The following CRTAC1 variants were observed in gnomAD, a reference collection of about 807,000 sequenced individuals.
CRTAC1 encodes the protein cartilage acidic protein 1.
A neutral mutation model predicts 67.8 loss-of-function variants in CRTAC1; 37 were observed. That is an observed-to-expected ratio of 0.55 (90% CI 0.42 to 0.72). CRTAC1 has a LOEUF of 0.72. Ranked by LOEUF, CRTAC1 falls within the 30% of genes least tolerant of loss-of-function variation. CRTAC1 has a pLI of 0.00. For synonymous variants in CRTAC1, 348 were observed against 371.0 expected, an observed-to-expected ratio of 0.94 and a Z score of 0.71; for missense variants, 780 against 931.6, an observed-to-expected ratio of 0.84 and a Z score of 2.12.
chr10:97,926,536 A>G (rs1239768388), intron 3 of CRTAC1, among the ~76,000 whole-genome samples: 3 of 152,254 alleles, frequency 2.0e-5, no homozygotes, highest in African/African-American at 7.2e-5. Context: ...CAGTGCACAC[A>G]TAACACCCCC....
At chr10:98,007,970 C>T (rs1024282074) in intron 2 of CRTAC1, among the ~76,000 whole-genome samples, 1 of 152,172 alleles carries the variant, frequency 6.6e-6, no homozygotes, top group Non-Finnish European at 1.5e-5. Context: ...CAATCCCCTG[C>T]ACATCAAAGG....
chr10:97,895,456 T>C lies in CRTAC1; in HGVS notation c.1318-43A>G, dbSNP rs1442641434. ...GGCAGACACCCGGTGGGCATCAGCA[T>C]GGTGGGTGGGAAGAGCAGGGAGCCA... On this transcript the variant is annotated intron_variant, in intron 10 of 14. Transcript: ENST00000370597. The surrounding 1 kb of genome is among the most constrained non-coding windows in gnomAD (Gnocchi z 4.2). 2.6e-6 allele frequency: 4 copies of C among 1,538,258 alleles called. No homozygotes were observed. Among genetic ancestry groups the C allele is most frequent in the Non-Finnish European group, 2.6e-6 (3 of 1,143,290 alleles).
intron 2 of CRTAC1, among the ~76,000 whole-genome samples, chr10:97,973,552 C>T (rs1343111452): frequency 2.0e-5 from 3 of 152,108 alleles, no homozygotes; most frequent in African/African-American, 7.2e-5. Flanking sequence ...GAAAATCGAA[C>T]TTCCTCCCCT....
At chr10:97,922,265 G>T (rs1223183421) in intron 4 of CRTAC1, among the ~76,000 whole-genome samples, 2 of 152,150 alleles carry the variant, frequency 1.3e-5, no homozygotes, top group African/African-American at 4.8e-5. Context: ...GCCCAGCTTG[G>T]CTTCTCTTCC....
At position 97,923,373 on chromosome 10, in the gene CRTAC1, A is replaced by C; in HGVS notation, c.449T>G (p.Phe150Cys). The C allele has an allele frequency of 6.2e-7, 1 of 1,614,066 alleles. No homozygotes were observed. The highest frequency in any genetic ancestry group is 8.5e-7 in the Non-Finnish European group (1 of 1,180,002). The change falls in exon 4 of 15, where the codon TTC (phenylalanine) becomes TGC (cysteine). Residue 150 changes from phenylalanine (F) to cysteine (C), a missense_variant. Physicochemically the swap from Phe to Cys is radical, Grantham distance 205 (BLOSUM62 -2). Transcript: ENST00000370597. Reference sequence around the variant, plus strand: ...TTCCCACCGGTTATTGCGGAACTTGAACAACTTGTCGGTGTACGTGGCCAC... The same window carrying C: ...TTCCCACCGGTTATTGCGGAACTTGCACAACTTGTCGGTGTACGTGGCCAC... The part of the protein sequence containing the change: ...SGVATYTDKL[F>C]KFRNNRWEDI...
intron 2 of CRTAC1, among the ~76,000 whole-genome samples, chr10:97,956,800 C>CA (rs1554926540): frequency 3.5e-5 from 5 of 144,346 alleles, no homozygotes; most frequent in Non-Finnish European, 6.1e-5. Context: ...CTCTGGAGTT[C>CA]TTTTTTTTTT....
At chr10:97,934,442 C>T (rs114682544) in intron 3 of CRTAC1, among the ~76,000 whole-genome samples, 1,615 of 152,278 alleles carry the variant, frequency 0.011, 25 homozygotes, top group African/African-American at 0.036. Context: ...CTTGGCTACA[C>T]AAGGCTGGCT....
At chr10:97,902,648 G>GTC (rs2050557877) in intron 7 of CRTAC1, among the ~76,000 whole-genome samples, 1 of 152,182 alleles carries the variant, frequency 6.6e-6, no homozygotes, top group African/African-American at 2.4e-5. Context: ...TTCCCCTAAA[G>GTC]ACCTTGGGGA....
rs1004384782 is a variant in CRTAC1, at chr10:97,884,467, A to T, written c.1487-116T>A. ...AAAAGCATGAATTGAGCACTGTTCT[A>T]AGTGCTAGGGAAATGGTGAACAAGA... On this transcript the variant is annotated intron_variant, in intron 11 of 14. Coordinates refer to ENST00000370597, the MANE Select transcript of CRTAC1 (RefSeq NM_018058.7). The T allele has an allele frequency of 9.2e-6, 9 of 973,272 alleles. 1 individual carries two copies. In the South Asian group the frequency reaches 1.1e-4, roughly 12 times the overall value. The allele number at this position is 973,272 out of a possible 1,614,324, so 60.3% of individuals were successfully genotyped here.
In CRTAC1 at chr10:97,904,688, TG is replaced by T. The variant is rs1564887052; in HGVS notation, c.976del (p.His326MetfsTer84). On this transcript the variant is annotated frameshift_variant, in exon 7 of 15. Transcript: ENST00000370597. LOFTEE classifies it high-confidence loss of function. ...TCTTACCCGGAAGCGGACCTTCCCA[TG>T]GGTGCTCATTTGCAGATAGAGGCGG... is the stretch of plus-strand genomic sequence containing the variant. ...PHRLYLQMST[H>X]GKVRFRDIAS... 1 of 1,582,566 alleles carries T rather than the reference TG, an allele frequency of 6.3e-7. No individual in the cohort carries two copies. Among genetic ancestry groups the T allele is most frequent in the Admixed American group, 1.9e-5 (1 of 53,430 alleles).
intron 2 of CRTAC1, among the ~76,000 whole-genome samples, chr10:97,944,467 T>C (rs1361346208): frequency 6.6e-6 from 1 of 151,620 alleles, no homozygotes; most frequent in Non-Finnish European, 1.5e-5. Flanking sequence ...TTGCTTAAAA[T>C]GACAACAGTG....
chr10:97,907,537 C>G (rs2050630206), intron 6 of CRTAC1, among the ~76,000 whole-genome samples: 1 of 98,216 alleles, frequency 1.0e-5, no homozygotes, highest in Non-Finnish European at 2.5e-5. Context: ...TCTAGAAAGT[C>G]ATTGCCTTTT....
At chr10:97,951,165 T>C (rs1026540909) in intron 2 of CRTAC1, among the ~76,000 whole-genome samples, 12 of 152,368 alleles carry the variant, frequency 7.9e-5, no homozygotes, top group African/African-American at 2.9e-4. Context: ...CTTGTGCATG[T>C]ACTGTTCTGC....
intron 3 of CRTAC1, among the ~76,000 whole-genome samples, chr10:97,928,520 AC>A (rs2050955735): frequency 1.3e-5 from 2 of 152,248 alleles, no homozygotes; most frequent in South Asian, 4.1e-4. Flanking sequence ...CGAGGTGGGT[AC>A]TATTTTCATG....
chr10:97,995,850 C>G (rs1842554289), intron 2 of CRTAC1, among the ~76,000 whole-genome samples: 1 of 152,102 alleles, frequency 6.6e-6, no homozygotes, highest in Non-Finnish European at 1.5e-5. Flanking sequence ...GAGGTGGATA[C>G]AAATCCTCTC....
At chr10:97,901,782 G>A in intron 7 of CRTAC1, 143 bp from the exon 8 acceptor site, 1 of 969,606 alleles carries the variant, frequency 1.0e-6, no homozygotes, top group South Asian at 1.6e-5. Flanking sequence ...CAAAGGACCT[G>A]GGGGCTGCCT....
At chr10:97,995,648 C>T (rs1259265341) in intron 2 of CRTAC1, among the ~76,000 whole-genome samples, 1 of 152,188 alleles carries the variant, frequency 6.6e-6, no homozygotes, top group African/African-American at 2.4e-5. Context: ...TCCCACCCCA[C>T]AGAAAAGTGA....
At chr10:98,009,750 C>T (rs1842871490) in intron 2 of CRTAC1, among the ~76,000 whole-genome samples, 1 of 152,190 alleles carries the variant, frequency 6.6e-6, no homozygotes, top group South Asian at 2.1e-4. Context: ...CGACAGGCCC[C>T]TGTAGTGTTT....
intron 11 of CRTAC1, among the ~76,000 whole-genome samples, chr10:97,886,649 C>T (rs201020164): frequency 7.0e-6 from 1 of 141,868 alleles, no homozygotes; most frequent in Non-Finnish European, 1.5e-5. Context: ...TTTCTTTTTT[C>T]TTTTTTTTTT....
Sources: gnomAD v4.1 joint callset for allele counts (sites outside exome capture counted in the v4.1 genomes callset) on GRCh38, gnomAD v4.1.1 for gene constraint, Gnocchi (gnomAD v3.1) non-coding constraint, MANE v1.5 for transcripts, NCBI Gene and HGNC (gene_info 2026-07-23, HGNC 2026-07-21) for gene names.